The following RAB28 variants were observed in gnomAD, a reference collection of about 807,000 sequenced individuals.
RAB28 encodes the protein RAB28, member RAS oncogene family.
A neutral mutation model predicts 31.7 loss-of-function variants in RAB28; 24 were observed. The observed-to-expected ratio is 0.76, with a 90% CI of 0.55 to 1.06. The LOEUF is 1.06. RAB28 is among the 50% of genes least tolerant of loss of function. The pLI, the probability that RAB28 is intolerant of heterozygous loss-of-function variation, is 0.00. For missense variants in RAB28, 254 were observed against 258.5 expected (o/e 0.98, Z 0.12); for synonymous variants, 100 against 90.4 (o/e 1.11, Z -0.60).
intron 4 of RAB28, among the ~76,000 whole-genome samples, chr4:13,441,460 A>C (rs1335155786): frequency 4.4e-4 from 67 of 152,222 alleles, no homozygotes; most frequent in Admixed American, 4.4e-3. Context: ...CCATTCCTTA[A>C]ATGATAATGA....
chr4:13,367,802 C>T lies in RAB28; in HGVS notation c.*756G>A, dbSNP rs10031710. The stretch of plus-strand genomic sequence containing the variant: ...CTGATCCACAATGTCATAACTCATT[C>T]TCGGGAGTACTCTTATGCAGTTTGC... On this transcript the variant is annotated 3_prime_UTR_variant, in exon 7 of 7. Coordinates refer to ENST00000330852, the MANE Select transcript of RAB28 (RefSeq NM_001017979.3). The T allele has an allele frequency of 3.8e-3, 3,742 of 984,886 alleles. 93 individuals carry two copies. In the African/African-American group the frequency reaches 0.057, roughly 15 times the overall value. 61.0% of individuals were successfully genotyped at this position (984,886 alleles called of 1,614,324 possible).
intron 4 of RAB28, among the ~76,000 whole-genome samples, chr4:13,437,622 G>A (rs541894637): frequency 5.3e-5 from 8 of 151,954 alleles, no homozygotes; most frequent in East Asian, 1.9e-4. Flanking sequence ...ACTAATCTTC[G>A]GAGAAATACA....
intron 4 of RAB28, among the ~76,000 whole-genome samples, chr4:13,388,845 T>C (rs1729501161): frequency 1.3e-5 from 2 of 152,044 alleles, no homozygotes; most frequent in Admixed American, 1.3e-4. Flanking sequence ...CTAATGTTTG[T>C]TGGTGGGACT....
At chr4:13,449,502 C>A (rs1714857537) in intron 4 of RAB28, among the ~76,000 whole-genome samples, 1 of 151,924 alleles carries the variant, frequency 6.6e-6, no homozygotes, top group Non-Finnish European at 1.5e-5. Context: ...TCAGGGAACA[C>A]AACTTATAGG....
chr4:13,424,175 T>C (rs921572960), intron 4 of RAB28, among the ~76,000 whole-genome samples: 3 of 152,228 alleles, frequency 2.0e-5, no homozygotes, highest in Non-Finnish European at 2.9e-5. Flanking sequence ...TTCAAGACTA[T>C]ATTTCGTAAA....
intron 4 of RAB28, among the ~76,000 whole-genome samples, chr4:13,430,357 G>C (rs1713746204): frequency 6.6e-6 from 1 of 151,952 alleles, no homozygotes; most frequent in Non-Finnish European, 1.5e-5. Flanking sequence ...AAGCTGGGGT[G>C]CAAAAAAGGA....
At chr4:13,374,001 T>C (rs1728825235) in intron 6 of RAB28, among the ~76,000 whole-genome samples, 1 of 151,854 alleles carries the variant, frequency 6.6e-6, no homozygotes, top group African/African-American at 2.4e-5. Context: ...ATATATATAA[T>C]CTGCACTTCT....
chr4:13,474,816 C>T (rs985417811), intron 2 of RAB28, among the ~76,000 whole-genome samples: 18 of 151,526 alleles, frequency 1.2e-4, no homozygotes, highest in Non-Finnish European at 2.7e-4. Flanking sequence ...TGAATTCTGT[C>T]GTAGGTTCTA....
chr4:13,440,551 T>C (rs1192291908), intron 4 of RAB28, among the ~76,000 whole-genome samples: 1 of 152,196 alleles, frequency 6.6e-6, no homozygotes, highest in Non-Finnish European at 1.5e-5. Flanking sequence ...GCTCTATTTT[T>C]GGTTTCCTCG....
intron 4 of RAB28, among the ~76,000 whole-genome samples, chr4:13,410,385 C>T (rs758756169): frequency 4.6e-5 from 7 of 152,044 alleles, no homozygotes; most frequent in Middle Eastern, 3.2e-3. Flanking sequence ...CAATCTAGTA[C>T]CTACCTACCA....
intron 3 of RAB28, 34 bp from the exon 4 acceptor site, chr4:13,460,862 T>C (rs1456800605): frequency 3.2e-6 from 5 of 1,585,020 alleles, no homozygotes; most frequent in African/African-American, 2.7e-5. Flanking sequence ...ATCTGTAATG[T>C]ATTATTTGGT....
At chr4:13,375,964 C>T (rs1728907006) in intron 6 of RAB28, among the ~76,000 whole-genome samples, 1 of 152,138 alleles carries the variant, frequency 6.6e-6, no homozygotes. Context: ...AACCAAACCA[C>T]TTCTGAAGCA....
intron 3 of RAB28, among the ~76,000 whole-genome samples, chr4:13,462,721 T>C (rs1715654758): frequency 6.6e-6 from 1 of 152,194 alleles, no homozygotes; most frequent in Non-Finnish European, 1.5e-5. Context: ...TTCTATAATA[T>C]ACAAAATCAC....
At chr4:13,404,045 A>G (rs1351202859) in intron 4 of RAB28, among the ~76,000 whole-genome samples, 1 of 152,208 alleles carries the variant, frequency 6.6e-6, no homozygotes, top group Non-Finnish European at 1.5e-5. Flanking sequence ...TAAATAAATA[A>G]TAAGACAACT....
chr4:13,470,921 T>A (rs1397677626), intron 3 of RAB28, among the ~76,000 whole-genome samples: 1 of 152,072 alleles, frequency 6.6e-6, no homozygotes, highest in African/African-American at 2.4e-5. Flanking sequence ...GCAAAGGGAC[T>A]GAAGAGGGTA....
At chr4:13,374,775 A>C (rs1051092776) in intron 6 of RAB28, among the ~76,000 whole-genome samples, 4 of 151,824 alleles carry the variant, frequency 2.6e-5, no homozygotes, top group Non-Finnish European at 5.9e-5. Flanking sequence ...CCTTACCTCA[A>C]TCTCCCTCCC....
At chr4:13,467,389 A>C (rs1715911075) in intron 3 of RAB28, among the ~76,000 whole-genome samples, 2 of 151,930 alleles carry the variant, frequency 1.3e-5, no homozygotes, top group Admixed American at 1.3e-4. Flanking sequence ...GAAAAAATGA[A>C]GATAACATAA....
chr4:13,460,802 T>A lies in RAB28; in HGVS notation c.288A>T (p.Thr96=), dbSNP rs777556478. Residue 96 remains threonine (T), a synonymous_variant, in exon 4 of 7, where the codon ACA becomes ACT. Coordinates refer to ENST00000330852, the MANE Select transcript of RAB28 (RefSeq NM_001017979.3). ...AQGVLLVYDI[T]NYQSFENLED... ...CTAAATTCTCAAAGCTTTGATAATT[T>A]GTAATATCATATACCAAGAGGACTC... 2 of 1,613,372 alleles carry A rather than the reference T, an allele frequency of 1.2e-6. No homozygotes were observed. Among genetic ancestry groups the A allele is most frequent in the Non-Finnish European group, 1.7e-6 (2 of 1,179,370 alleles).
At chr4:13,396,154 G>A (rs1729865177) in intron 4 of RAB28, among the ~76,000 whole-genome samples, 1 of 151,954 alleles carries the variant, frequency 6.6e-6, no homozygotes, top group Admixed American at 6.6e-5. Context: ...AGTAAAAAAT[G>A]TCACTGTCTA....
Sources: allele counts gnomAD v4.1 joint callset (sites outside exome capture counted in the v4.1 genomes callset), GRCh38; gene constraint gnomAD v4.1.1; transcripts MANE v1.5; gene names NCBI Gene and HGNC (gene_info 2026-07-23, HGNC 2026-07-21).